SMG1: variants seen among roughly 807,000 people sequenced by gnomAD.
SMG1 encodes SMG1 nonsense mediated mRNA decay associated PI3K related kinase.
A neutral mutation model predicts 419.9 loss-of-function variants in SMG1; 22 were observed. The observed-to-expected ratio is 0.05, with a 90% confidence interval of 0.04 to 0.07. SMG1 has a LOEUF of 0.07. SMG1 is among the 10% of genes least tolerant of loss of function. The pLI is 1.00. For missense variants in SMG1, 3,185 were observed against 4,342.0 expected (o/e 0.73, Z 7.49); for synonymous variants, 1,538 against 1,553.5 (o/e 0.99, Z 0.23).
At chr16:18,832,716 G>A (rs1379325367) in intron 51 of SMG1, among the ~76,000 whole-genome samples, 1 of 151,926 alleles carries the variant, frequency 6.6e-6, no homozygotes, top group Non-Finnish European at 1.5e-5. Context: ...AAGGAAGGAT[G>A]AAGCATGCAC....
chr16:18,834,396 T>C lies in SMG1; in HGVS notation c.8373A>G (p.Glu2791=). Residue 2791 remains glutamate (E), a synonymous_variant, in exon 50 of 63, where the codon GAA becomes GAG. Transcript: ENST00000446231. ...MMEGAASSAG[E]QLVDLTSRDG... is the part of the protein sequence containing the mutation. ...CCCGAGAAGTCAGATCAACCAGCTG[T>C]TCTCCAGCACTTGACGCTGCACCTT... The C allele has an allele frequency of 6.2e-7, 1 of 1,613,548 alleles. No individual in the cohort carries two copies. The highest frequency in any genetic ancestry group is 8.5e-7 in the Non-Finnish European group (1 of 1,179,722).
At chr16:18,810,052 GA>G (rs1051567290) in intron 62 of SMG1, among the ~76,000 whole-genome samples, 4 of 148,104 alleles carry the variant, frequency 2.7e-5, no homozygotes. Context: ...GTGTTTAAAA[GA>G]AAAAAAAAAT....
chr16:18,861,080 A>G (rs182083896), intron 25 of SMG1: 9 of 274,576 alleles, frequency 3.3e-5, no homozygotes, highest in Non-Finnish European at 5.5e-5. Context: ...TTCAGATCCT[A>G]ACACACTGAC....
At position 18,808,270 on chromosome 16, in the gene SMG1, C is replaced by T. The variant is rs533341928; in HGVS notation, c.*1299G>A. On this transcript the variant is annotated 3_prime_UTR_variant, in exon 63 of 63. Coordinates refer to ENST00000446231, the MANE Select transcript of SMG1 (RefSeq NM_015092.5). Reference sequence around the variant, plus strand: ...TTAAAATTGTGCAAAAAGTAAAGCACTTCACAGACTAATAACTGAACTTAA... The same window carrying T: ...TTAAAATTGTGCAAAAAGTAAAGCATTTCACAGACTAATAACTGAACTTAA... The T allele has an allele frequency of 6.6e-6, 1 of 152,296 alleles. No individual in the cohort carries two copies. Among genetic ancestry groups the T allele is most frequent in the Non-Finnish European group, 1.5e-5 (1 of 68,028 alleles). 9.4% of individuals were successfully genotyped at this position (152,296 alleles called of 1,614,324 possible).
In SMG1 at chr16:18,828,064, C is replaced by G. The variant is rs1043904393; in HGVS notation, c.9708G>C (p.Leu3236=). 1 of 1,612,962 alleles carries G rather than the reference C, an allele frequency of 6.2e-7. No homozygotes were observed. Among genetic ancestry groups the G allele is most frequent in the African/African-American group, 1.3e-5 (1 of 74,874 alleles). The change falls in exon 55 of 63, where the codon CTG becomes CTC. Residue 3236 remains leucine (L), a synonymous_variant. Transcript: ENST00000446231. Reference sequence around the variant, plus strand: ...TTGCAATAGAAGTTTCAATCTGGCTCAGGGTATGCAGCTTCTTTTTCATGC... The same window carrying G: ...TTGCAATAGAAGTTTCAATCTGGCTGAGGGTATGCAGCTTCTTTTTCATGC... ...LTSMKKKLHT[L]SQIETSIATV...
intron 13 of SMG1, among the ~76,000 whole-genome samples, chr16:18,874,903 CTTTTT>C (rs373817069): frequency 2.0e-4 from 19 of 94,580 alleles, no homozygotes; most frequent in African/African-American, 6.0e-4. Context: ...AAAAAAAAGC[CTTTTT>C]TTTTTTTTTT....
At chr16:18,895,251 G>A (rs566294950) in intron 3 of SMG1, among the ~76,000 whole-genome samples, 7 of 151,950 alleles carry the variant, frequency 4.6e-5, no homozygotes, top group Admixed American at 1.3e-4. Flanking sequence ...TAATGAGCAC[G>A]CGTGATCACT....
intron 50 of SMG1, 27 bp from the exon 51 acceptor site, chr16:18,833,193 T>C (rs1218275972): frequency 1.3e-5 from 21 of 1,581,626 alleles, no homozygotes; most frequent in Admixed American, 1.7e-5. Context: ...AAAAAACTTT[T>C]AATGTTTTTT....
At position 18,842,224 on chromosome 16, in the gene SMG1, A is replaced by G. The variant is rs1351415216; in HGVS notation, c.6450T>C (p.Tyr2150=). Reference sequence around the variant, plus strand: ...AAATCCTACCTTTGAAAAGATAAGGATAGCTCTTCCCATCTGATCCAAGAA... The same window carrying G: ...AAATCCTACCTTTGAAAAGATAAGGGTAGCTCTTCCCATCTGATCCAAGAA... ...LLFLGSDGKS[Y]PYLFKGLEDL... Residue 2150 remains tyrosine (Y), a synonymous_variant, in exon 40 of 63, where the codon TAT becomes TAC. Coordinates refer to ENST00000446231, the MANE Select transcript of SMG1 (RefSeq NM_015092.5). 1 of 1,613,648 alleles carries G rather than the reference A, an allele frequency of 6.2e-7. No individual in the cohort carries two copies.
chr16:18,925,076 C>G (rs1662317964), intron 1 of SMG1: 1 of 152,150 alleles, frequency 6.6e-6, no homozygotes, highest in Non-Finnish European at 1.5e-5. Flanking sequence ...TCCAAACAGA[C>G]TCTGAATACA....
intron 1 of SMG1, chr16:18,925,723 G>C (rs1297003453): frequency 1.1e-5 from 3 of 284,128 alleles, no homozygotes; most frequent in East Asian, 6.9e-5. Flanking sequence ...GGGAGCCCCG[G>C]GTCTCGGCTC....
rs767467041 is a variant in SMG1, at chr16:18,841,554, A to G, written c.6696+11T>C. 2.5e-6 allele frequency: 4 copies of G among 1,609,160 alleles called. No individual in the cohort carries two copies. The African/African-American group carries it at 5.4e-5, about 22-fold the overall frequency. On this transcript the variant is annotated intron_variant, in intron 41 of 62. Coordinates refer to ENST00000446231, the MANE Select transcript of SMG1 (RefSeq NM_015092.5). ...AATAGACTAATACACTGTGTAGATG[A>G]TTTAATCAACCTTTTGTGCTTGTAA...
chr16:18,854,079 A>T (rs1194014288), intron 30 of SMG1, among the ~76,000 whole-genome samples: 1 of 124,216 alleles, frequency 8.1e-6, no homozygotes, highest in African/African-American at 3.1e-5. Context: ...CCAAAATACT[A>T]AACTTTTTTT....
rs370546722 is a variant in SMG1, at chr16:18,845,561, C to A, written c.6087G>T (p.Ala2029=). The change falls in exon 39 of 63, where the codon GCG becomes GCT. Residue 2029 remains alanine, a synonymous_variant. Transcript: ENST00000446231. ...TTTCATGAGGTGTTTCTGCAGGAGCCGCTGTGATACTCCTCACATGCTCCA... is the reference window on the plus strand; with the variant it reads ...TTTCATGAGGTGTTTCTGCAGGAGCAGCTGTGATACTCCTCACATGCTCCA... ...FALEHVRSIT[A]APAETPHEKW... The A allele has an allele frequency of 1.2e-6, 2 of 1,613,842 alleles. No individual in the cohort carries two copies. The highest frequency in any genetic ancestry group is 1.7e-5 in the Admixed American group (1 of 60,010).
chr16:18,890,469 G>A (rs2036826981), intron 5 of SMG1, among the ~76,000 whole-genome samples: 1 of 152,110 alleles, frequency 6.6e-6, no homozygotes, highest in Non-Finnish European at 1.5e-5. Context: ...GAAACTGCAA[G>A]CTCCGCCTTG....
intron 10 of SMG1, 93 bp downstream of exon 10, chr16:18,882,068 TGAAG>T (rs1596587921): frequency 1.2e-6 from 1 of 808,398 alleles, no homozygotes; most frequent in East Asian, 2.8e-5. Context: ...GCTAAACAAA[TGAAG>T]GATTAATAAC....
intron 48 of SMG1, 24 bp downstream of exon 48, chr16:18,835,904 TAAAAG>T: frequency 1.3e-6 from 2 of 1,543,494 alleles, no homozygotes; most frequent in Non-Finnish European, 1.8e-6. Flanking sequence ...GTCTCAAAAA[TAAAAG>T]AAAATTAAGC....
chr16:18,864,915 A>C (rs951475528), intron 23 of SMG1, among the ~76,000 whole-genome samples: 5 of 152,200 alleles, frequency 3.3e-5, no homozygotes, highest in Non-Finnish European at 7.3e-5. Context: ...TATGAAACTA[A>C]ATTTAAAAGT....
At position 18,850,012 on chromosome 16, in the gene SMG1, C is replaced by T; in HGVS notation, c.5398G>A (p.Ala1800Thr). 1.9e-6 allele frequency: 3 copies of T among 1,613,988 alleles called. No homozygotes were observed. The highest frequency in any genetic ancestry group is 2.5e-6 in the Non-Finnish European group (3 of 1,179,894). The change falls in exon 35 of 63, where the codon GCT becomes ACT. Residue 1800 changes from alanine (A) to threonine (T), a missense_variant. Ala to Thr is a moderately conservative substitution (Grantham distance 58, BLOSUM62 0). Around this residue, in one of 27 missense-constraint regions of SMG1, gnomAD observed 493 missense variants for 552.9 expected, o/e 0.89. Coordinates refer to ENST00000446231, the MANE Select transcript of SMG1 (RefSeq NM_015092.5). The stretch of plus-strand genomic sequence containing the variant: ...TCCAGATACTGCCGAAGCTCACCAG[C>T]ATGCTTCACGAGCAACCGCAGCAGG... ...LRLLRLLVKH[A>T]GELRQYLEHG...
Sources: gnomAD v4.1 joint callset for allele counts (sites outside exome capture counted in the v4.1 genomes callset) on GRCh38, gnomAD v4.1.1 for gene constraint, gnomAD v4.1.1 regional missense constraint, MANE v1.5 for transcripts, NCBI Gene and HGNC (gene_info 2026-07-23, HGNC 2026-07-21) for gene names.